MYO15B: variants seen among roughly 807,000 people sequenced by gnomAD.
The protein encoded by MYO15B is myosin XVB.
In MYO15B, 207 loss-of-function variants were observed where a neutral mutation model predicts 119.3. The observed-to-expected ratio is 1.73, with a 90% CI of 1.55 to 1.95. The LOEUF is 1.95. Among genes scored for constraint, MYO15B ranks in the 30% most tolerant of loss-of-function variants. The pLI is 0.00. For missense variants in MYO15B, 2,264 were observed against 1,203.1 expected, an observed-to-expected ratio of 1.88 and a Z score of -13.04; for synonymous variants, 966 against 498.9, an observed-to-expected ratio of 1.94 and a Z score of -12.48.
At chr17:75,625,549 C>A in exon 61 of MYO15B, 1 of 703,100 alleles carries the variant, frequency 1.4e-6, no homozygotes, top group Non-Finnish European at 2.6e-6. Flanking sequence ...AGCTTACGTG[C>A]CAAAGCAGCT....
chr17:75,625,878 C>A (rs768830602), exon 62 of MYO15B: 17 of 702,894 alleles, frequency 2.4e-5, no homozygotes, highest in Non-Finnish European at 4.4e-5. Context: ...TCGGCTACAC[C>A]GTCTATGGGG....
In MYO15B at chr17:75,589,214, T is replaced by TGCGGCG. The variant is rs1469743467; in HGVS notation, c.1163_1168dup (p.Arg388_Arg389dup). 3.1e-5 allele frequency: 12 copies of TGCGGCG among 390,356 alleles called. No individual in the cohort carries two copies. The South Asian group carries it at 6.6e-4, about 21-fold the overall frequency. 24.2% of individuals were successfully genotyped at this position (390,356 alleles called of 1,614,324 possible). On this transcript the variant is annotated inframe_insertion, in exon 1 of 64. Transcript: ENST00000645453. The surrounding 1 kb of genome is among the most constrained non-coding windows in gnomAD (Gnocchi z 4.2). ...CGCTGGCTGCGGCGGCGGCTGCGGC[T>TGCGGCG]GCGGCGGCGGCCGCCAGAGGGCGAG...
At position 75,603,184 on chromosome 17, in the gene MYO15B, A is replaced by T. The variant is rs762268403; in HGVS notation, c.3892-4A>T. The T allele has an allele frequency of 4.1e-5, 29 of 702,908 alleles. No homozygotes were observed. The South Asian group carries it at 4.3e-4, about 10-fold the overall frequency. 43.5% of individuals were successfully genotyped at this position (702,908 alleles called of 1,614,324 possible). On this transcript the variant is annotated splice_polypyrimidine_tract_variant and splice_region_variant and intron_variant, in intron 18 of 63. Transcript: ENST00000645453. ...CTGTCTTTGGCTCTGTCTTGTGGCC[A>T]CAGCTTCCAGGCCTCTTTGACGTGG...
At chr17:75,600,474 G>A (rs1281283190) in intron 14 of MYO15B, 1 of 151,118 alleles carries the variant, frequency 6.6e-6, no homozygotes, top group Non-Finnish European at 1.5e-5. Flanking sequence ...TAGAAATGGG[G>A]TCTCACTCTC....
intron 40 of MYO15B, 60 bp from the exon 41 acceptor site, chr17:75,617,024 CT>C: frequency 2.9e-6 from 2 of 696,078 alleles, no homozygotes; most frequent in South Asian, 3.0e-5. Flanking sequence ...TCAAGGCTCT[CT>C]GGGGCGAACT....
rs1568232299 is a variant in MYO15B, at chr17:75,623,963, G to GA, written c.8172dup (p.Gly2725ArgfsTer60). ...CTGCCCTGCAGGGAACACTGCACTC[G>GA]AGGCTGGAGCTTCCTCAGCCTTCTC... is the stretch of plus-strand genomic sequence containing the variant. On this transcript the variant is annotated frameshift_variant, in exon 55 of 64. Transcript: ENST00000645453. LOFTEE classifies it high-confidence loss of function. The GA allele has an allele frequency of 1.4e-6, 1 of 703,032 alleles. No individual in the cohort carries two copies. Among genetic ancestry groups the GA allele is most frequent in the Admixed American group, 2.0e-5 (1 of 50,018 alleles). The allele number at this position is 703,032 out of a possible 1,614,324, so 43.5% of individuals were successfully genotyped here. A position where few individuals can be genotyped will look rare whatever the true frequency, so the allele number is the denominator to read the frequency against.
At chr17:75,626,817 A>C (rs2059093135) in exon 64 of MYO15B, 3 of 464,322 alleles carry the variant, frequency 6.5e-6, no homozygotes, top group Non-Finnish European at 1.2e-5. Flanking sequence ...TGGGAGAAAC[A>C]GCTGCTGAGG....
rs2058158303 is a variant in MYO15B, at chr17:75,613,481, G to A, written c.5146+10G>A. The stretch of plus-strand genomic sequence containing the variant: ...GTGTTCACCTTCAGCGGTGAGGGCT[G>A]CCTCTGGCTGAGGCCTCCCAGGCCT... On this transcript the variant is annotated intron_variant, in intron 28 of 63. Transcript: ENST00000645453. 1.5e-6 allele frequency: 1 copy of A among 671,892 alleles called. No individual in the cohort carries two copies. Among genetic ancestry groups the A allele is most frequent in the Non-Finnish European group, 2.7e-6 (1 of 376,182 alleles). 41.6% of individuals were successfully genotyped at this position (671,892 alleles called of 1,614,324 possible).
chr17:75,605,720 C>A, intron 20 of MYO15B, 99 bp downstream of exon 20: 2 of 675,226 alleles, frequency 3.0e-6, no homozygotes, highest in Non-Finnish European at 5.4e-6. Flanking sequence ...GGGGATCCAT[C>A]CAAGTGGTGG....
At chr17:75,606,552 C>T (rs2057666593) in intron 21 of MYO15B, among the ~76,000 whole-genome samples, 1 of 151,802 alleles carries the variant, frequency 6.6e-6, no homozygotes, top group Admixed American at 6.6e-5. Context: ...CGGGTCACTG[C>T]AACCTCCACC....
exon 1 of MYO15B, chr17:75,587,976 CAGA>C (rs1319139587): frequency 1.0e-5 from 4 of 397,504 alleles, no homozygotes; most frequent in South Asian, 1.3e-4. Context: ...GTGCACTGCA[CAGA>C]AGGTCACCGC....
chr17:75,596,624 G>C, intron 13 of MYO15B, 69 bp downstream of exon 13: 1 of 695,328 alleles, frequency 1.4e-6, no homozygotes, highest in South Asian at 1.5e-5. Flanking sequence ...CATCCTTGGT[G>C]AAGGAAAGTT....
chr17:75,591,125 G>A (rs1051688431), intron 3 of MYO15B, 47 bp from the exon 4 acceptor site: 21 of 702,238 alleles, frequency 3.0e-5, no homozygotes, highest in Non-Finnish European at 5.5e-5. Context: ...GCTACACCTC[G>A]GAGGGTCCCA....
In MYO15B at chr17:75,594,589, G is replaced by A; in HGVS notation, c.3105+1G>A. On this transcript the variant is annotated splice_donor_variant, in intron 10 of 63. Transcript: ENST00000645453. LOFTEE classifies it high-confidence loss of function. ...GGGGGCTGTCACCAGGAGGGTCACG[G>A]TGAGCCCGAGGGTCCTGGGGAGAGG... 1 of 670,148 alleles carries A rather than the reference G, an allele frequency of 1.5e-6. No individual in the cohort carries two copies. The highest frequency in any genetic ancestry group is 1.6e-5 in the South Asian group (1 of 62,792). 41.5% of individuals were successfully genotyped at this position (670,148 alleles called of 1,614,324 possible). A position where few individuals can be genotyped will look rare whatever the true frequency, so the allele number is the denominator to read the frequency against.
At chr17:75,618,953 T>A (rs1462016361) in intron 43 of MYO15B, 190 bp from the exon 44 acceptor site, 1 of 602,318 alleles carries the variant, frequency 1.7e-6, no homozygotes, top group Non-Finnish European at 3.0e-6. Context: ...AGGTGAGACG[T>A]GTGAATGGAG....
In MYO15B at chr17:75,621,192, C is replaced by G; in HGVS notation, c.7871+16C>G. 6 of 681,042 alleles carry G rather than the reference C, an allele frequency of 8.8e-6. No individual in the cohort carries two copies. Among genetic ancestry groups the G allele is most frequent in the Non-Finnish European group, 5.4e-6 (2 of 372,776 alleles). 42.2% of individuals were successfully genotyped at this position (681,042 alleles called of 1,614,324 possible). ...CCCAGGCCTTGTGAGTGCACTGGGC[C>G]AACCCCTGTGCCTGTCTGTCCTCAG... is the stretch of plus-strand genomic sequence containing the variant. On this transcript the variant is annotated intron_variant, in intron 50 of 63. Coordinates refer to ENST00000645453, the Ensembl canonical transcript of MYO15B.
intron 9 of MYO15B, among the ~76,000 whole-genome samples, chr17:75,593,718 G>A (rs541030474): frequency 2.0e-5 from 3 of 151,890 alleles, no homozygotes; most frequent in South Asian, 2.1e-4. Context: ...TCAGGAGTTC[G>A]AGACCAGCCT....
exon 19 of MYO15B, chr17:75,603,280 C>T (rs545599905): frequency 4.0e-5 from 28 of 703,098 alleles, no homozygotes; most frequent in African/African-American, 1.7e-4. Context: ...CCAACTTCCC[C>T]GTGCGTGTGC....
chr17:75,588,524 G>A (rs2147661670), exon 1 of MYO15B: 1 of 398,626 alleles, frequency 2.5e-6, no homozygotes, highest in Non-Finnish European at 4.4e-6. Context: ...GGGGACGGAG[G>A]CAGCTCCTGT....
Sources: allele counts gnomAD v4.1 joint callset (sites outside exome capture counted in the v4.1 genomes callset), GRCh38; gene constraint gnomAD v4.1.1; non-coding constraint Gnocchi (gnomAD v3.1); transcripts MANE v1.5; gene names NCBI Gene and HGNC (gene_info 2026-07-23, HGNC 2026-07-21).